SEPTIN5: variants seen among roughly 807,000 people sequenced by gnomAD.
The protein encoded by SEPTIN5 is septin-5.
In SEPTIN5, 16 loss-of-function variants were observed where a neutral mutation model predicts 51.2. The observed-to-expected ratio is 0.31, with a 90% CI of 0.21 to 0.47. The LOEUF is 0.47. SEPTIN5 is among the 20% of genes least tolerant of loss of function. The pLI is 0.99. For synonymous variants in SEPTIN5, 208 were observed against 191.2 expected (o/e 1.09, Z -0.72); for missense variants, 376 against 500.3 (o/e 0.75, Z 2.37).
intron 11 of SEPTIN5, 24 bp downstream of exon 11, chr22:19,722,363 G>T: frequency 6.3e-7 from 1 of 1,597,932 alleles, no homozygotes. Flanking sequence ...CGGGGGCGGC[G>T]GAGGCGGGCG....
At chr22:19,716,390 G>A in intron 2 of SEPTIN5, among the ~76,000 whole-genome samples, 1 of 152,234 alleles carries the variant, frequency 6.6e-6, no homozygotes, top group Admixed American at 6.5e-5. Flanking sequence ...ACTACGCTCT[G>A]TGCCCCCACC....
Position 19,722,321 on chromosome 22 carries a change from C to G in SEPTIN5, c.1035C>G (p.Ile345Met). The change falls in exon 11 of 12, where the codon ATC (isoleucine) becomes ATG (methionine). Residue 345 changes from isoleucine to methionine, a missense_variant. By Grantham distance (10) the Ile-to-Met change is conservative. Transcript: ENST00000455784. ...PTPDAETEKL[I>M]RMKDEELRRM... ...CGGACGCCGAGACTGAGAAGCTTAT[C>G]AGGATGAAGGATGAGGAAGTATGTG... 1 of 1,610,938 alleles carries G rather than the reference C, an allele frequency of 6.2e-7. No homozygotes were observed.
chr22:19,720,164 G>A lies in SEPTIN5; in HGVS notation c.288G>A (p.Glu96=), dbSNP rs1342090867. The stretch of plus-strand genomic sequence containing the variant: ...TTCTAAAACACACGGTGGACATTGA[G>A]GAGAAGGGAGTCAAGCTGAAGCTCA... ...VEILKHTVDI[E]EKGVKLKLTI... is the part of the protein sequence containing the mutation. The change falls in exon 5 of 12, where the codon GAG becomes GAA. Residue 96 remains glutamate, a synonymous_variant. Coordinates refer to ENST00000455784, the MANE Select transcript of SEPTIN5 (RefSeq NM_002688.6). The A allele has an allele frequency of 2.5e-6, 4 of 1,613,518 alleles. No homozygotes were observed. The South Asian group carries it at 3.3e-5, about 13-fold the overall frequency.
intron 2 of SEPTIN5, among the ~76,000 whole-genome samples, chr22:19,715,417 G>A (rs1011096777): frequency 3.3e-5 from 5 of 152,228 alleles, no homozygotes; most frequent in African/African-American, 1.2e-4. Context: ...CCACCCTCCA[G>A]GAAAGCAAGA....
chr22:19,717,689 G>A (rs554253924), intron 2 of SEPTIN5: 85 of 266,744 alleles, frequency 3.2e-4, no homozygotes, highest in African/African-American at 1.9e-3. Context: ...GCCTCCTAGG[G>A]GACAGGCAGG....
intron 2 of SEPTIN5, chr22:19,718,497 G>A (rs1384379580): frequency 5.7e-6 from 7 of 1,232,014 alleles, no homozygotes; most frequent in African/African-American, 4.6e-5. Flanking sequence ...GGACTGCGAC[G>A]CCGCCACAGC....
At chr22:19,719,503 T>G (rs1265554413) in intron 2 of SEPTIN5, 99 bp from the exon 3 acceptor site, 1 of 962,064 alleles carries the variant, frequency 1.0e-6, no homozygotes, top group Non-Finnish European at 1.6e-6. Flanking sequence ...CTGGGAACCG[T>G]ACCCTCTGCT....
Position 19,723,213 on chromosome 22 carries a change from G to T in SEPTIN5, c.*729G>T. 1.6e-6 allele frequency: 1 copy of T among 619,944 alleles called. No individual in the cohort carries two copies. The highest frequency in any genetic ancestry group is 1.5e-5 in the South Asian group (1 of 66,028). 38.4% of individuals were successfully genotyped at this position (619,944 alleles called of 1,614,324 possible). A position where few individuals can be genotyped will look rare whatever the true frequency, so the allele number is the denominator to read the frequency against. ...CCGGGATCCTGAGCCTAGGCCTCCCGATGTTCCCACCCGCATGATCCCTTC... is the reference window on the plus strand; with the variant it reads ...CCGGGATCCTGAGCCTAGGCCTCCCTATGTTCCCACCCGCATGATCCCTTC... On this transcript the variant is annotated 3_prime_UTR_variant, in exon 12 of 12. Transcript: ENST00000455784.
intron 2 of SEPTIN5, among the ~76,000 whole-genome samples, chr22:19,715,141 C>T (rs535789375): frequency 6.6e-6 from 1 of 152,356 alleles, no homozygotes; most frequent in African/African-American, 2.4e-5. Context: ...TGGCAGGCCA[C>T]GCTGGGGGAG....
chr22:19,718,205 C>A lies in SEPTIN5; in HGVS notation c.55-1397C>A, dbSNP rs548545283. 5.4e-3 allele frequency: 906 copies of A among 166,562 alleles called. 6 individuals carry two copies. Among genetic ancestry groups the A allele is most frequent in the African/African-American group, 0.02 (846 of 41,792 alleles). 10.3% of individuals were successfully genotyped at this position (166,562 alleles called of 1,614,324 possible). On this transcript the variant is annotated intron_variant, in intron 2 of 11. Coordinates refer to ENST00000455784, the MANE Select transcript of SEPTIN5 (RefSeq NM_002688.6). ...TACCGACTCCCGGCCCGCCCCGGCC[C>A]GCGTGCAGGACCCGGTCGTCCCCTC...
At chr22:19,719,962 C>T in intron 4 of SEPTIN5, 70 bp downstream of exon 4, 6 of 1,602,752 alleles carry the variant, frequency 3.7e-6, no homozygotes, top group African/African-American at 1.3e-5. Context: ...CAAGGACTCC[C>T]TTTCAGGTCC....
chr22:19,718,056 A>G (rs1252713168), intron 2 of SEPTIN5: 1 of 152,286 alleles, frequency 6.6e-6, no homozygotes, highest in Non-Finnish European at 1.5e-5. Context: ...GTCTGCGAGA[A>G]GACGGCGGGC....
At chr22:19,719,733 G>A (rs1431569074) in intron 3 of SEPTIN5, 35 bp downstream of exon 3, 1 of 1,610,250 alleles carries the variant, frequency 6.2e-7, no homozygotes, top group Non-Finnish European at 8.5e-7. Context: ...GAGTGGCTGG[G>A]GTCACTGGCC....
Position 19,714,673 on chromosome 22 carries a change from C to T in SEPTIN5, c.43+42C>T, listed in dbSNP as rs1480974539. ...CCCGCGTGCCCGCGCGCGCCTTTGT[C>T]CCCGCCGCCCGCGCGCCTCTCACCG... is the stretch of plus-strand genomic sequence containing the variant. On this transcript the variant is annotated intron_variant, in intron 1 of 11. Coordinates refer to ENST00000455784, the MANE Select transcript of SEPTIN5 (RefSeq NM_002688.6). The surrounding 1 kb of genome is among the most constrained non-coding windows in gnomAD (Gnocchi z 5.2). 3.6e-5 allele frequency: 53 copies of T among 1,475,726 alleles called. No individual in the cohort carries two copies. The highest frequency in any genetic ancestry group is 4.7e-5 in the Non-Finnish European group (52 of 1,099,364). 91.4% of individuals were successfully genotyped at this position (1,475,726 alleles called of 1,614,324 possible).
chr22:19,716,543 C>T (rs1935913900), intron 2 of SEPTIN5, among the ~76,000 whole-genome samples: 1 of 152,176 alleles, frequency 6.6e-6, no homozygotes, highest in Admixed American at 6.5e-5. Flanking sequence ...TCAGGAAGCC[C>T]TGGGAGTATC....
At chr22:19,722,176 C>T in intron 10 of SEPTIN5, 61 bp from the exon 11 acceptor site, 1 of 1,319,062 alleles carries the variant, frequency 7.6e-7, no homozygotes, top group Non-Finnish European at 1.0e-6. Context: ...CAGGCATCGC[C>T]AGCCCACGCT....
At chr22:19,719,033 C>G in intron 2 of SEPTIN5, 2 of 469,014 alleles carry the variant, frequency 4.3e-6, no homozygotes, top group Non-Finnish European at 6.7e-6. Context: ...AGAATGCGGC[C>G]GTGGGACCCC....
intron 2 of SEPTIN5, chr22:19,717,788 C>A: frequency 4.3e-6 from 1 of 230,318 alleles, no homozygotes; most frequent in Non-Finnish European, 8.8e-6. Context: ...CACACACCCG[C>A]GCACACGCAC....
chr22:19,717,540 C>T (rs979171232), intron 2 of SEPTIN5: 1 of 348,488 alleles, frequency 2.9e-6, no homozygotes, highest in Admixed American at 3.9e-5. Flanking sequence ...GCAGGGCCAC[C>T]TGAGGGCTGC....
Sources: allele counts gnomAD v4.1 joint callset (sites outside exome capture counted in the v4.1 genomes callset), GRCh38; gene constraint gnomAD v4.1.1; non-coding constraint Gnocchi (gnomAD v3.1); transcripts MANE v1.5; gene names NCBI Gene and HGNC (gene_info 2026-07-23, HGNC 2026-07-21).